The following MMP26 variants were observed in gnomAD, a reference collection of about 807,000 sequenced individuals.
The protein encoded by MMP26 is matrix metalloproteinase-26.
Under a neutral mutation model 31.0 loss-of-function variants are expected in MMP26, and 33 were observed. The ratio of observed to expected loss-of-function variants is 1.06; its 90% CI spans 0.81 to 1.42. MMP26 has a LOEUF of 1.42. Ranked by LOEUF, MMP26 falls within the 40% of genes most tolerant of loss-of-function variation. The probability of loss-of-function intolerance (pLI) is 0.00; values close to 1 mark genes in which losing one functional copy is unlikely to be tolerated. For missense variants in MMP26, 347 were observed against 316.1 expected (o/e 1.10, Z -0.74); for synonymous variants, 122 against 114.9 (o/e 1.06, Z -0.40).
At chr11:4,944,457 A>G (rs528293729) in intron 2 of MMP26, 35 of 159,204 alleles carry the variant, frequency 2.2e-4, no homozygotes, top group Non-Finnish European at 4.1e-4. Context: ...CATATCCTGC[A>G]TAAATTAGAG....
chr11:4,768,921 G>A (rs970665657), intron 2 of MMP26: 24 of 1,163,966 alleles, frequency 2.1e-5, no homozygotes, highest in Middle Eastern at 2.1e-4. Context: ...GAGCAAGTTC[G>A]CTTTTCTACA....
At chr11:4,710,263 C>A in intron 1 of MMP26, 2 of 456,716 alleles carry the variant, frequency 4.4e-6, no homozygotes, top group South Asian at 1.5e-5. Flanking sequence ...TGCATTGCCT[C>A]CCCAGAGGAG....
At chr11:4,783,624 G>A (rs1848895449) in intron 2 of MMP26, among the ~76,000 whole-genome samples, 1 of 152,082 alleles carries the variant, frequency 6.6e-6, no homozygotes, top group Non-Finnish European at 1.5e-5. Context: ...ATTTAGGAGG[G>A]GCCAGGGGTG....
Position 4,715,880 on chromosome 11 carries a change from T to C in MMP26, c.-217+10835T>C, listed in dbSNP as rs375233468. 1.6e-4 allele frequency among the ~76,000 whole-genome samples: 24 copies of C among 152,292 alleles called. 2 individuals carry two copies. The highest frequency in any genetic ancestry group is 5.8e-4 in the African/African-American group (24 of 41,574). On this transcript the variant is annotated intron_variant, in intron 1 of 7. Coordinates refer to ENST00000380390, the MANE Select transcript of MMP26 (RefSeq NM_021801.5). ...ACGTTACATTATATGGCAAAAGGAT[T>C]TAACAGATGTAACTAAGGTCCCTGA... is the stretch of plus-strand genomic sequence containing the variant.
At chr11:4,898,511 C>A (rs908569210) in intron 2 of MMP26, among the ~76,000 whole-genome samples, 2 of 152,022 alleles carry the variant, frequency 1.3e-5, no homozygotes, top group Non-Finnish European at 2.9e-5. Flanking sequence ...TTTTACTGTC[C>A]TGCAGAAAAT....
At chr11:4,907,095 T>TAAAAAAAAAAAAAAAAAA (rs3065178) in intron 2 of MMP26, among the ~76,000 whole-genome samples, 700 of 54,938 alleles carry the variant, frequency 0.013, 32 homozygotes, top group East Asian at 0.031. Context: ...AAACTCCCTC[T>TAAAAAAAAAAAAAAAAAA]AAAAAAAAAA....
At chr11:4,905,754 C>T (rs1850877833) in intron 2 of MMP26, among the ~76,000 whole-genome samples, 4 of 152,046 alleles carry the variant, frequency 2.6e-5, no homozygotes, top group African/African-American at 2.4e-5. Context: ...TTGTGTTTCT[C>T]TGACAGTTTT....
At chr11:4,713,187 C>G (rs931894845) in intron 1 of MMP26, among the ~76,000 whole-genome samples, 1 of 152,052 alleles carries the variant, frequency 6.6e-6, no homozygotes, top group Non-Finnish European at 1.5e-5. Flanking sequence ...ACTTCCTCAG[C>G]TGCTTCACGT....
chr11:4,867,531 C>T (rs1357765848), intron 2 of MMP26, among the ~76,000 whole-genome samples: 5 of 151,632 alleles, frequency 3.3e-5, no homozygotes, highest in Admixed American at 3.3e-4. Context: ...GCTGGGATTA[C>T]AGGCATGCAC....
chr11:4,762,684 A>G (rs1848582143), intron 1 of MMP26, among the ~76,000 whole-genome samples: 1 of 152,198 alleles, frequency 6.6e-6, no homozygotes, highest in African/African-American at 2.4e-5. Context: ...TAGAACTTAT[A>G]TAAAAATCGT....
chr11:4,951,198 T>C (rs11034866), intron 2 of MMP26, among the ~76,000 whole-genome samples: 43,255 of 122,010 alleles, frequency 0.35, 14,766 homozygotes, highest in Middle Eastern at 0.53. Context: ...ATCACAACTT[T>C]TGAGAGCTCC....
chr11:4,798,896 G>C (rs1849144474), intron 2 of MMP26, among the ~76,000 whole-genome samples: 1 of 152,150 alleles, frequency 6.6e-6, no homozygotes, highest in African/African-American at 2.4e-5. Context: ...TCCCCTTTTG[G>C]AAAGTACTCT....
intron 2 of MMP26, among the ~76,000 whole-genome samples, chr11:4,779,971 A>G (rs1848836780): frequency 6.6e-6 from 1 of 151,948 alleles, no homozygotes; most frequent in African/African-American, 2.4e-5. Flanking sequence ...TGAGTTTTTT[A>G]CTCAATGTTG....
intron 2 of MMP26, chr11:4,769,239 C>A (rs751560084): frequency 6.2e-7 from 1 of 1,613,722 alleles, no homozygotes; most frequent in Non-Finnish European, 8.5e-7. Flanking sequence ...ATTCTGAGGA[C>A]AGAGTGAATA....
chr11:4,954,699 C>G, intron 2 of MMP26: 1 of 724,706 alleles, frequency 1.4e-6, no homozygotes, highest in Non-Finnish European at 2.3e-6. Context: ...TTCTTGGTGT[C>G]AAATATTAGG....
chr11:4,837,893 T>C (rs559635813), intron 2 of MMP26, among the ~76,000 whole-genome samples: 1 of 152,140 alleles, frequency 6.6e-6, no homozygotes, highest in African/African-American at 2.4e-5. Context: ...TAACATTGAT[T>C]ACTATTAATT....
intron 2 of MMP26, chr11:4,923,300 T>C (rs1251652515): frequency 3.4e-6 from 5 of 1,450,728 alleles, no homozygotes; most frequent in Non-Finnish European, 4.6e-6. Flanking sequence ...GGTTTATTAT[T>C]TTGCCACAGC....
At chr11:4,891,554 C>T (rs1897740) in intron 2 of MMP26, among the ~76,000 whole-genome samples, 1 of 152,136 alleles carries the variant, frequency 6.6e-6, no homozygotes, top group Non-Finnish European at 1.5e-5. Flanking sequence ...CTCTGAGCTT[C>T]TAAAGCTGTT....
At chr11:4,790,455 T>G (rs1350808785) in intron 2 of MMP26, among the ~76,000 whole-genome samples, 1 of 152,222 alleles carries the variant, frequency 6.6e-6, no homozygotes, top group Non-Finnish European at 1.5e-5. Flanking sequence ...CATTTCACTC[T>G]GGGATTCAAT....
Sources: allele counts gnomAD v4.1 joint callset (sites outside exome capture counted in the v4.1 genomes callset), GRCh38; gene constraint gnomAD v4.1.1; transcripts MANE v1.5; gene names NCBI Gene and HGNC (gene_info 2026-07-23, HGNC 2026-07-21).